The following KPNA3 variants were observed in gnomAD, a reference collection of about 807,000 sequenced individuals.
KPNA3 encodes the protein karyopherin subunit alpha 3.
In KPNA3, 13 loss-of-function variants were observed where a neutral mutation model predicts 73.8. That is an observed-to-expected ratio of 0.18 (90% CI 0.11 to 0.28). The LOEUF is 0.28. Ranked by LOEUF, KPNA3 falls within the 10% of genes least tolerant of loss-of-function variation. The probability of loss-of-function intolerance (pLI) is 1.00; values close to 1 mark genes in which losing one functional copy is unlikely to be tolerated. For synonymous variants in KPNA3, 186 were observed against 206.9 expected (o/e 0.90, Z 0.87); for missense variants, 360 against 618.1 (o/e 0.58, Z 4.43).
chr13:49,775,421 T>C (rs1375337687), intron 1 of KPNA3, among the ~76,000 whole-genome samples: 1 of 152,064 alleles, frequency 6.6e-6, no homozygotes, highest in East Asian at 1.9e-4. Context: ...GCACACCACA[T>C]GGGAAACACT....
chr13:49,791,578 T>C (rs1417125552), intron 1 of KPNA3, among the ~76,000 whole-genome samples: 2 of 152,226 alleles, frequency 1.3e-5, no homozygotes, highest in Non-Finnish European at 2.9e-5. Flanking sequence ...AAGAGGTATG[T>C]AAGAGAATTA....
intron 1 of KPNA3, among the ~76,000 whole-genome samples, chr13:49,788,535 A>G (rs1233750062): frequency 2.0e-5 from 3 of 152,056 alleles, no homozygotes; most frequent in Non-Finnish European, 2.9e-5. Context: ...CCTGGGCAAC[A>G]TGGCAAAACC....
Position 49,720,312 on chromosome 13 carries a change from A to G in KPNA3, c.727-493T>C, listed in dbSNP as rs185977757. Among the ~76,000 whole-genome samples, 362 of 152,374 alleles carry G rather than the reference A, an allele frequency of 2.4e-3. 2 individuals are homozygous for G. Among genetic ancestry groups the G allele is most frequent in the Non-Finnish European group, 3.7e-3 (254 of 68,036 alleles). On this transcript the variant is annotated intron_variant, in intron 9 of 16. Coordinates refer to ENST00000261667, the MANE Select transcript of KPNA3 (RefSeq NM_002267.4). The stretch of plus-strand genomic sequence containing the variant: ...TAGTCAAGAAAATTCGAACCAGTAC[A>G]AAGTACAAAGCTTTGCTTGTTAAAT...
intron 14 of KPNA3, 47 bp downstream of exon 14, chr13:49,706,051 G>C: frequency 1.3e-6 from 2 of 1,497,406 alleles, no homozygotes; most frequent in Non-Finnish European, 1.8e-6. Context: ...AGAGCAGCAT[G>C]CTTTCCAGTA....
intron 9 of KPNA3, among the ~76,000 whole-genome samples, chr13:49,721,047 C>T (rs1420593672): frequency 6.6e-6 from 1 of 151,888 alleles, no homozygotes; most frequent in African/African-American, 2.4e-5. Context: ...AGTGAAACCC[C>T]ATCTCTACTA....
At chr13:49,733,247 T>C (rs1954486347) in intron 2 of KPNA3, among the ~76,000 whole-genome samples, 1 of 150,698 alleles carries the variant, frequency 6.6e-6, no homozygotes, top group Admixed American at 6.6e-5. Flanking sequence ...GGCTGGCTTT[T>C]ACACACACAC....
intron 1 of KPNA3, among the ~76,000 whole-genome samples, chr13:49,782,616 T>G (rs1954949930): frequency 6.6e-6 from 1 of 152,130 alleles, no homozygotes; most frequent in Non-Finnish European, 1.5e-5. Flanking sequence ...CGGTGGCTCA[T>G]GCCTGTAATC....
In KPNA3 at chr13:49,705,771, C is replaced by G. The variant is rs1954202040; in HGVS notation, c.1222G>C (p.Val408Leu). The change falls in exon 15 of 17, where the codon GTA becomes CTA. Residue 408 changes from valine to leucine, a missense_variant. Val to Leu is a conservative substitution (Grantham distance 32). Transcript: ENST00000261667. ...SGRKDQVEYL[V>L]QQNVIPPFCN... ...AACGGTGGTATTACATTCTGCTGTA[C>G]AAGGTACTCAACCTAGACAACAAAA... 1 of 1,608,622 alleles carries G rather than the reference C, an allele frequency of 6.2e-7. No homozygotes were observed. Among genetic ancestry groups the G allele is most frequent in the African/African-American group, 1.3e-5 (1 of 74,740 alleles).
intron 1 of KPNA3, among the ~76,000 whole-genome samples, chr13:49,775,227 A>G (rs1453521006): frequency 4.6e-5 from 7 of 152,090 alleles, no homozygotes; most frequent in Non-Finnish European, 8.8e-5. Flanking sequence ...TTTTTGACAA[A>G]CACTAAGCAA....
At chr13:49,748,828 A>G (rs2137570856) in intron 1 of KPNA3, among the ~76,000 whole-genome samples, 1 of 152,254 alleles carries the variant, frequency 6.6e-6, no homozygotes, top group East Asian at 1.9e-4. Flanking sequence ...TTGTGACTTT[A>G]GTACTATTAA....
chr13:49,725,866 C>T (rs1402501669), intron 6 of KPNA3, among the ~76,000 whole-genome samples: 6 of 151,912 alleles, frequency 3.9e-5, no homozygotes, highest in Admixed American at 3.3e-4. Flanking sequence ...GGTCCTGAAC[C>T]CCTGACTTCA....
At position 49,732,595 on chromosome 13, in the gene KPNA3, T is replaced by C. The variant is rs777187004; in HGVS notation, c.287+10A>G. The C allele has an allele frequency of 2.5e-6, 4 of 1,598,546 alleles. No homozygotes were observed. Among genetic ancestry groups the C allele is most frequent in the East Asian group, 2.2e-5 (1 of 44,704 alleles). On this transcript the variant is annotated intron_variant, in intron 5 of 16. Transcript: ENST00000261667. The stretch of plus-strand genomic sequence containing the variant: ...GACATAATTCTCTCTCTAGACAAAT[T>C]AGTATTTACCTTGCTGCCTGGACAG...
intron 1 of KPNA3, among the ~76,000 whole-genome samples, chr13:49,754,641 A>C (rs1954695117): frequency 6.6e-6 from 1 of 150,388 alleles, no homozygotes; most frequent in Admixed American, 6.6e-5. Flanking sequence ...AAAAATCAGC[A>C]GACTGGCCAA....
chr13:49,792,369 C>G (rs879696053), intron 1 of KPNA3, 69 bp downstream of exon 1: 5 of 1,123,266 alleles, frequency 4.5e-6, no homozygotes, highest in Non-Finnish European at 5.9e-6. Context: ...CCGGCGCCGG[C>G]CCCCCGCCCC....
chr13:49,713,669 ACACAC>A (rs764010769), intron 10 of KPNA3, among the ~76,000 whole-genome samples: 11 of 151,536 alleles, frequency 7.3e-5, no homozygotes, highest in Non-Finnish European at 1.2e-4. Flanking sequence ...ACACACACAC[ACACAC>A]AAAACAGAAA....
chr13:49,736,884 T>C (rs1426055906), intron 2 of KPNA3, among the ~76,000 whole-genome samples: 1 of 152,238 alleles, frequency 6.6e-6, no homozygotes, highest in Non-Finnish European at 1.5e-5. Context: ...CTTCCATTTC[T>C]AAAATTTTAT....
At chr13:49,753,138 CA>C (rs1379842374) in intron 1 of KPNA3, among the ~76,000 whole-genome samples, 2 of 149,188 alleles carry the variant, frequency 1.3e-5, no homozygotes, top group African/African-American at 5.0e-5. Context: ...AAAACCGAAG[CA>C]ATGAAATAGA....
chr13:49,766,542 C>G (rs1954809136), intron 1 of KPNA3, among the ~76,000 whole-genome samples: 1 of 152,132 alleles, frequency 6.6e-6, no homozygotes, highest in African/African-American at 2.4e-5. Context: ...TTTAGCCTCT[C>G]TATAAGAGTA....
intron 15 of KPNA3, among the ~76,000 whole-genome samples, chr13:49,703,429 CT>C (rs1301195645): frequency 1.3e-5 from 2 of 152,076 alleles, no homozygotes; most frequent in Non-Finnish European, 2.9e-5. Context: ...ATTCGCCCGC[CT>C]TGGCCTCCCA....
Sources: gnomAD v4.1 joint callset for allele counts (sites outside exome capture counted in the v4.1 genomes callset) on GRCh38, gnomAD v4.1.1 for gene constraint, MANE v1.5 for transcripts, NCBI Gene and HGNC (gene_info 2026-07-23, HGNC 2026-07-21) for gene names.